CELSR3: variants seen among roughly 807,000 people sequenced by gnomAD.
CELSR3 encodes the protein cadherin EGF LAG seven-pass G-type receptor 3.
Under a neutral mutation model 270.0 loss-of-function variants are expected in CELSR3, and 73 were observed. The ratio of observed to expected loss-of-function variants is 0.27; its 90% confidence interval spans 0.22 to 0.33. The LOEUF (loss-of-function observed/expected upper bound fraction) is 0.33. Ranked by LOEUF, CELSR3 falls within the 10% of genes least tolerant of loss-of-function variation. The pLI is 1.00. For synonymous variants in CELSR3, 1,780 were observed against 1,905.4 expected (o/e 0.93, Z 1.71); for missense variants, 3,614 against 4,533.8 (o/e 0.80, Z 5.83).
rs1455065819 is a variant in CELSR3 at position 48,639,691 on chromosome 3, C to T, written c.9894G>A (p.Glu3298=). 6.2e-7 allele frequency: 1 copy of T among 1,613,420 alleles called. No homozygotes were observed. The highest frequency in any genetic ancestry group is 8.5e-7 in the Non-Finnish European group (1 of 1,179,938). Residue 3298 remains glutamate (E), a synonymous_variant, in exon 34 of 35, where the codon GAG becomes GAA. Coordinates refer to ENST00000164024, the MANE Select transcript of CELSR3 (RefSeq NM_001407.3). This position sits in a 1 kb window ranked among gnomAD's most constrained non-coding sequence, Gnocchi z 4.1. ...ATACTTACTCTGAGTCTGGCGACAG[C>T]TCCGAGATGCTGTGAGACGTGGCAG... ...PRSATSHSIS[E]LSPDSEVPRS...
chr3:48,648,561 C>T lies in CELSR3; in HGVS notation c.6778-100G>A, dbSNP rs1295825558. The T allele has an allele frequency of 1.0e-5, 14 of 1,394,114 alleles. No individual in the cohort carries two copies. In the Admixed American group the frequency reaches 2.4e-4, roughly 24 times the overall value. 86.4% of individuals were successfully genotyped at this position (1,394,114 alleles called of 1,614,324 possible). The stretch of plus-strand genomic sequence containing the variant: ...TCTGGACAGGTGCTCAGAGGGGCTC[C>T]AACAGGCAAGGGGGCGGGGCTGGAG... On this transcript the variant is annotated intron_variant, in intron 18 of 34. Transcript: ENST00000164024.
Position 48,662,527 on chromosome 3 carries a change from G to GC in CELSR3, c.107dup (p.Gly37ArgfsTer62). ...CTGGGTCCCAGCCCTGGTGCCCACC[G>GC]CCCCCCAGCTCCTCCTGGCTGAGGG... On this transcript the variant is annotated frameshift_variant, in exon 1 of 35. Transcript: ENST00000164024. LOFTEE classifies it high-confidence loss of function. The surrounding 1 kb of genome is among the most constrained non-coding windows in gnomAD (Gnocchi z 7.1). The GC allele has an allele frequency of 1.2e-6, 2 of 1,606,588 alleles. No homozygotes were observed. The highest frequency in any genetic ancestry group is 1.1e-5 in the South Asian group (1 of 90,596).
At chr3:48,643,415 G>T in intron 28 of CELSR3, 139 bp downstream of exon 28, 1 of 1,204,448 alleles carries the variant, frequency 8.3e-7, no homozygotes, top group Non-Finnish European at 1.1e-6. Context: ...GCCAGTGTCT[G>T]GTCTGGGGTA....
rs540779155 is a variant in CELSR3, at chr3:48,661,198, G to A, written c.1437C>T (p.Arg479=). ...TCTCGAAGGCGGCGGCAGCTGCAGCGCGCGCAGCTGGCGGCCCCACGAAGC... is the reference window on the plus strand; with the variant it reads ...TCTCGAAGGCGGCGGCAGCTGCAGCACGCGCAGCTGGCGGCCCCACGAAGC... ...RYRFVGPPAA[R]AAAAAAFEID... is the part of the protein sequence containing the mutation. Residue 479 remains arginine (R), a synonymous_variant, in exon 1 of 35, where the codon CGC becomes CGT. Transcript: ENST00000164024. 71 of 1,598,648 alleles carry A rather than the reference G, an allele frequency of 4.4e-5. No homozygotes were observed. The highest frequency in any genetic ancestry group is 1.7e-4 in the Middle Eastern group (1 of 5,976).
In CELSR3 at chr3:48,653,602, G is replaced by A. The variant is rs756058197; in HGVS notation, c.5448+17C>T. On this transcript the variant is annotated intron_variant, in intron 9 of 34. Coordinates refer to ENST00000164024, the MANE Select transcript of CELSR3 (RefSeq NM_001407.3). This position sits in a 1 kb window ranked among gnomAD's most constrained non-coding sequence, Gnocchi z 6.5. ...GACTGAGAACTGAGGGTATAGGGGTGAGCAGGGTGGACACACCTGGCAAAG... is the reference window on the plus strand; with the variant it reads ...GACTGAGAACTGAGGGTATAGGGGTAAGCAGGGTGGACACACCTGGCAAAG... 1.9e-6 allele frequency: 3 copies of A among 1,612,224 alleles called. No individual in the cohort carries two copies. Among genetic ancestry groups the A allele is most frequent in the South Asian group, 1.1e-5 (1 of 90,912 alleles).
chr3:48,657,639 G>T lies in CELSR3; in HGVS notation c.3749-291C>A, dbSNP rs2077033870. Among the ~76,000 whole-genome samples the T allele has an allele frequency of 6.6e-6, 1 of 152,136 alleles. No individual in the cohort carries two copies. Among genetic ancestry groups the T allele is most frequent in the African/African-American group, 2.4e-5 (1 of 41,424 alleles). On this transcript the variant is annotated intron_variant, in intron 1 of 34. Transcript: ENST00000164024. The surrounding 1 kb of genome is among the most constrained non-coding windows in gnomAD (Gnocchi z 5.4). ...GGGTTAGCAAGTCACTCCCGCAACA[G>T]CACTCAAGTACCCTAAGTACTCAGT...
In CELSR3 at chr3:48,660,801, C is replaced by A. The variant is rs759950475; in HGVS notation, c.1834G>T (p.Ala612Ser). 6.2e-7 allele frequency: 1 copy of A among 1,614,120 alleles called. No individual in the cohort carries two copies. The highest frequency in any genetic ancestry group is 1.1e-5 in the South Asian group (1 of 91,086). Residue 612 changes from alanine (A) to serine (S), a missense_variant, in exon 1 of 35, where the codon GCA (alanine) becomes TCA (serine). Coordinates refer to ENST00000164024, the MANE Select transcript of CELSR3 (RefSeq NM_001407.3). The surrounding 1 kb of genome is among the most constrained non-coding windows in gnomAD (Gnocchi z 5.5). ...ATGCGCAAGGCATACTCTCTCTCTG[C>A]CTCGAAGTCCAGAGGTGCCACCACC... ...IQVVAPLDFE[A>S]EREYALRIRA...
chr3:48,660,815 G>A lies in CELSR3; in HGVS notation c.1820C>T (p.Pro607Leu). Residue 607 changes from proline (P) to leucine (L), a missense_variant, in exon 1 of 35, where the codon CCT (proline) becomes CTT (leucine). Around this residue, in one of 7 missense-constraint regions of CELSR3, gnomAD observed 354 missense variants for 500.9 expected, o/e 0.71. Coordinates refer to ENST00000164024, the MANE Select transcript of CELSR3 (RefSeq NM_001407.3). The surrounding 1 kb of genome is among the most constrained non-coding windows in gnomAD (Gnocchi z 5.5). ...CTCTCTCTCTGCCTCGAAGTCCAGA[G>A]GTGCCACCACCTGGATCTCGCCAGT... The part of the protein sequence containing the change: ...SLTGEIQVVA[P>L]LDFEAEREYA... 6.2e-7 allele frequency: 1 copy of A among 1,614,122 alleles called. No individual in the cohort carries two copies.
rs2077040552 is a variant in CELSR3, at chr3:48,658,468, A to G, written c.3748+419T>C. On this transcript the variant is annotated intron_variant, in intron 1 of 34. Coordinates refer to ENST00000164024, the MANE Select transcript of CELSR3 (RefSeq NM_001407.3). This position sits in a 1 kb window ranked among gnomAD's most constrained non-coding sequence, Gnocchi z 4.7. ...GTTCCTGACCACTCAAGTATTGGTCATTTCCTGCACAGATAGGGTAAGCGT... is the reference window on the plus strand; with the variant it reads ...GTTCCTGACCACTCAAGTATTGGTCGTTTCCTGCACAGATAGGGTAAGCGT... 6.6e-6 allele frequency among the ~76,000 whole-genome samples: 1 copy of G among 152,210 alleles called. No individual in the cohort carries two copies. Among genetic ancestry groups the G allele is most frequent in the Non-Finnish European group, 1.5e-5 (1 of 68,034 alleles).
rs2047149072 is a variant in CELSR3 at position 48,652,822 on chromosome 3, G to C, written c.5634+180C>G. ...AATCTGGCACAAAGAGGGCTTGAGA[G>C]TGGACCAACTTGGCTGGTGGGTGGG... On this transcript the variant is annotated intron_variant, in intron 10 of 34. Transcript: ENST00000164024. The surrounding 1 kb of genome is among the most constrained non-coding windows in gnomAD (Gnocchi z 4.3). Among the ~76,000 whole-genome samples the C allele has an allele frequency of 6.6e-6, 1 of 152,240 alleles. No homozygotes were observed. Among genetic ancestry groups the C allele is most frequent in the Non-Finnish European group, 1.5e-5 (1 of 68,044 alleles).
In CELSR3 at chr3:48,649,206, A is replaced by G. The variant is rs1257487187; in HGVS notation, c.6482T>C (p.Val2161Ala). 1.9e-6 allele frequency: 3 copies of G among 1,609,990 alleles called. No homozygotes were observed. Among genetic ancestry groups the G allele is most frequent in the Non-Finnish European group, 2.5e-6 (3 of 1,178,390 alleles). The change falls in exon 17 of 35, where the codon GTG becomes GCG. Residue 2161 changes from valine (V) to alanine (A), a missense_variant. Val to Ala is a moderately conservative substitution (Grantham distance 64, BLOSUM62 0). Coordinates refer to ENST00000164024, the MANE Select transcript of CELSR3 (RefSeq NM_001407.3). ...ACCCTGGGCCTCATCACACAGCCGC[A>G]CAGCAGCACCTGGAGGCAGGCAACC... ...PCPRGALGAA[V>A]RLCDEAQGWL... is the part of the protein sequence containing the mutation.
chr3:48,651,486 G>A lies in CELSR3; in HGVS notation c.6066-7C>T. On this transcript the variant is annotated splice_region_variant and splice_polypyrimidine_tract_variant and intron_variant, in intron 13 of 34. Coordinates refer to ENST00000164024, the MANE Select transcript of CELSR3 (RefSeq NM_001407.3). The surrounding 1 kb of genome is among the most constrained non-coding windows in gnomAD (Gnocchi z 7.4). ...TGGGCACTGCTGGTCCATCCTGGGGGTGCAGAGCCAGGTAAGATGCCTCCA... is the reference window on the plus strand; with the variant it reads ...TGGGCACTGCTGGTCCATCCTGGGGATGCAGAGCCAGGTAAGATGCCTCCA... 1.2e-6 allele frequency: 2 copies of A among 1,613,592 alleles called. No homozygotes were observed.
chr3:48,641,136 A>G lies in CELSR3; in HGVS notation c.9025+188T>C, dbSNP rs915715748. 6.8e-6 allele frequency: 4 copies of G among 588,800 alleles called. No individual in the cohort carries two copies. Among genetic ancestry groups the G allele is most frequent in the Admixed American group, 3.0e-5 (1 of 32,800 alleles). The allele number at this position is 588,800 out of a possible 1,614,324, so 36.5% of individuals were successfully genotyped here. A position where few individuals can be genotyped will look rare whatever the true frequency, so the allele number is the denominator to read the frequency against. On this transcript the variant is annotated intron_variant, in intron 33 of 34. Transcript: ENST00000164024. The surrounding 1 kb of genome is among the most constrained non-coding windows in gnomAD (Gnocchi z 4.8). ...GTGGTGCTGGCCAGGGTAGAGGGGG[A>G]CAGAGAATTCCCAGGTCAGGACAGG...
At position 48,650,435 on chromosome 3, in the gene CELSR3, G is replaced by T; in HGVS notation, c.6472+45C>A. On this transcript the variant is annotated intron_variant, in intron 16 of 34. Coordinates refer to ENST00000164024, the MANE Select transcript of CELSR3 (RefSeq NM_001407.3). The surrounding 1 kb of genome is among the most constrained non-coding windows in gnomAD (Gnocchi z 5.1). ...CATGGCTCTAGCAGTCAGAGTACAG[G>T]CCCACCCCCACCCTCAGTGATGTCC... 1 of 1,213,560 alleles carries T rather than the reference G, an allele frequency of 8.2e-7. No individual in the cohort carries two copies. Among genetic ancestry groups the T allele is most frequent in the Non-Finnish European group, 1.2e-6 (1 of 846,620 alleles). The allele number at this position is 1,213,560 out of a possible 1,614,324, so 75.2% of individuals were successfully genotyped here.
chr3:48,642,214 G>T lies in CELSR3; in HGVS notation c.8665+144C>A. The stretch of plus-strand genomic sequence containing the variant: ...GAGTGGACTGGGAGAACCAGGGCTG[G>T]AGAGGTAGGTGCCTCCTGAGGCAGG... On this transcript the variant is annotated intron_variant, in intron 31 of 34. Coordinates refer to ENST00000164024, the MANE Select transcript of CELSR3 (RefSeq NM_001407.3). The surrounding 1 kb of genome is among the most constrained non-coding windows in gnomAD (Gnocchi z 6.1). The T allele has an allele frequency of 1.1e-6, 1 of 941,498 alleles. No homozygotes were observed. Among genetic ancestry groups the T allele is most frequent in the Non-Finnish European group, 1.6e-6 (1 of 644,154 alleles). 58.3% of individuals were successfully genotyped at this position (941,498 alleles called of 1,614,324 possible).
Position 48,659,425 on chromosome 3 carries a change from C to G in CELSR3, c.3210G>C (p.Glu1070Asp). Residue 1070 changes from glutamate (E) to aspartate (D), a missense_variant, in exon 1 of 35, where the codon GAG becomes GAC. Transcript: ENST00000164024. This position sits in a 1 kb window ranked among gnomAD's most constrained non-coding sequence, Gnocchi z 8.1. ...VNDNAPVFPA[E>D]EFEVRVKENS... ...TCTCTTTCACCCGCACCTCAAACTC[C>G]TCAGCTGGGAAGACAGGTGCATTGT... 6.2e-7 allele frequency: 1 copy of G among 1,614,230 alleles called. No homozygotes were observed. Among genetic ancestry groups the G allele is most frequent in the Non-Finnish European group, 8.5e-7 (1 of 1,180,038 alleles).
At position 48,643,056 on chromosome 3, in the gene CELSR3, C is replaced by A; in HGVS notation, c.8317G>T (p.Val2773Phe). 1.2e-6 allele frequency: 2 copies of A among 1,612,722 alleles called. No homozygotes were observed. The highest frequency in any genetic ancestry group is 1.7e-6 in the Non-Finnish European group (2 of 1,179,792). ...QGLAVLLLFCVLNADARAAWM... is the reference protein window; with the variant it reads ...QGLAVLLLFCFLNADARAAWM... ...GCAGCCCGAGCATCTGCATTTAGGACACAGAAGAGCAGCAGCACCGCCAGG... is the reference window on the plus strand; with the variant it reads ...GCAGCCCGAGCATCTGCATTTAGGAAACAGAAGAGCAGCAGCACCGCCAGG... Residue 2773 changes from valine (V) to phenylalanine (F), a missense_variant, in exon 29 of 35, where the codon GTC becomes TTC. By Grantham distance (50) the Val-to-Phe change is conservative. Around this residue, in one of 7 missense-constraint regions of CELSR3, gnomAD observed 1,240 missense variants for 1,351.7 expected, o/e 0.92. Coordinates refer to ENST00000164024, the MANE Select transcript of CELSR3 (RefSeq NM_001407.3).
chr3:48,657,101 C>A lies in CELSR3; in HGVS notation c.3996G>T (p.Ala1332=). Residue 1332 remains alanine, a synonymous_variant, in exon 2 of 35, where the codon GCG becomes GCT. Coordinates refer to ENST00000164024, the MANE Select transcript of CELSR3 (RefSeq NM_001407.3). The surrounding 1 kb of genome is among the most constrained non-coding windows in gnomAD (Gnocchi z 5.4). ...CCGCCCCGGCCCCACGTGGAGCTAG[C>A]GCCGAGAAACTCACATTGAGCACGG... ...GGTVLNVSFS[A]LAPRGAGAGA... The A allele has an allele frequency of 6.2e-7, 1 of 1,613,916 alleles. No homozygotes were observed. The highest frequency in any genetic ancestry group is 8.5e-7 in the Non-Finnish European group (1 of 1,179,970).
Position 48,652,350 on chromosome 3 carries a change from G to C in CELSR3, c.5751+87C>G. On this transcript the variant is annotated intron_variant, in intron 11 of 34. Transcript: ENST00000164024. The surrounding 1 kb of genome is among the most constrained non-coding windows in gnomAD (Gnocchi z 4.3). Reference sequence around the variant, plus strand: ...CACCCCCTCGCACCAACCCCCACTTGAATACTGCCTTTCAGGTCCCAAGGA... The same window carrying C: ...CACCCCCTCGCACCAACCCCCACTTCAATACTGCCTTTCAGGTCCCAAGGA... 1.8e-6 allele frequency: 2 copies of C among 1,107,116 alleles called. No homozygotes were observed. The highest frequency in any genetic ancestry group is 1.2e-5 in the South Asian group (1 of 80,034). 68.6% of individuals were successfully genotyped at this position (1,107,116 alleles called of 1,614,324 possible).
Sources: allele counts gnomAD v4.1 joint callset (sites outside exome capture counted in the v4.1 genomes callset), GRCh38; gene constraint gnomAD v4.1.1; regional missense constraint gnomAD v4.1.1; non-coding constraint Gnocchi (gnomAD v3.1); transcripts MANE v1.5; gene names NCBI Gene and HGNC (gene_info 2026-07-23, HGNC 2026-07-21).